Variants in SYN3 observed in about 807,000 individuals in gnomAD.
The protein encoded by SYN3 is synapsin-3.
A neutral mutation model predicts 65.8 loss-of-function variants in SYN3; 35 were observed. The ratio of observed to expected loss-of-function variants is 0.53; its 90% CI spans 0.41 to 0.70. The LOEUF (loss-of-function observed/expected upper bound fraction) is 0.70, where lower values mean the gene tolerates loss of function less well. Ranked by LOEUF, SYN3 falls within the 30% of genes least tolerant of loss-of-function variation. SYN3 has a pLI of 0.00. For missense variants in SYN3, 680 were observed against 749.0 expected, an observed-to-expected ratio of 0.91 and a Z score of 1.08; for synonymous variants, 270 against 292.9, an observed-to-expected ratio of 0.92 and a Z score of 0.80.
intron 6 of SYN3, among the ~76,000 whole-genome samples, chr22:32,830,483 TGC>T (rs2047540642): frequency 1.3e-5 from 2 of 152,198 alleles, no homozygotes; most frequent in Admixed American, 6.5e-5. Flanking sequence ...TTGCCCTGTG[TGC>T]CCCTCTTTCA....
At chr22:32,531,113 C>G (rs548154129) in intron 10 of SYN3, among the ~76,000 whole-genome samples, 61 of 145,350 alleles carry the variant, frequency 4.2e-4, no homozygotes, top group African/African-American at 1.6e-3. Context: ...TTTCCTCTTC[C>G]CTCTTTCCCC....
intron 6 of SYN3, among the ~76,000 whole-genome samples, chr22:32,810,763 G>C (rs528443216): frequency 6.6e-6 from 1 of 152,150 alleles, no homozygotes; most frequent in African/African-American, 2.4e-5. Context: ...TCGCAACCAG[G>C]GTCAGATTTC....
intron 6 of SYN3, among the ~76,000 whole-genome samples, chr22:32,692,867 A>G (rs2060684722): frequency 1.3e-5 from 2 of 152,232 alleles, no homozygotes; most frequent in African/African-American, 4.8e-5. Context: ...CATAAAGTGA[A>G]GAACAGAATC....
chr22:32,955,374 G>C (rs1039687496), intron 3 of SYN3, among the ~76,000 whole-genome samples: 1 of 152,062 alleles, frequency 6.6e-6, no homozygotes, highest in Non-Finnish European at 1.5e-5. Context: ...ATAGGGGGTG[G>C]GGGGCAAGCA....
chr22:32,696,908 T>C (rs895351789), intron 6 of SYN3, among the ~76,000 whole-genome samples: 3 of 152,184 alleles, frequency 2.0e-5, no homozygotes, highest in African/African-American at 2.4e-5. Flanking sequence ...GAAATTTCAT[T>C]CTAGCTTTGC....
chr22:32,924,890 G>A (rs933321718), intron 4 of SYN3, among the ~76,000 whole-genome samples: 5 of 152,092 alleles, frequency 3.3e-5, no homozygotes, highest in Admixed American at 6.5e-5. Flanking sequence ...TCAGGAGTTC[G>A]ATACCAGCTT....
chr22:32,586,447 T>C (rs35118742), intron 7 of SYN3, among the ~76,000 whole-genome samples: 1,817 of 152,298 alleles, frequency 0.012, 16 homozygotes, highest in Non-Finnish European at 0.017. Flanking sequence ...CATGCCTAAA[T>C]GAAACTTATC....
intron 6 of SYN3, among the ~76,000 whole-genome samples, chr22:32,749,076 A>G (rs2045029848): frequency 6.6e-6 from 1 of 152,152 alleles, no homozygotes; most frequent in African/African-American, 2.4e-5. Flanking sequence ...AGGCACTCAT[A>G]AACACAGTTT....
intron 2 of SYN3, among the ~76,000 whole-genome samples, chr22:32,990,198 C>G (rs531699078): frequency 5.9e-5 from 9 of 152,252 alleles, no homozygotes; most frequent in South Asian, 2.1e-4. Context: ...TGGAGCCTGT[C>G]AAGGTGAAAA....
intron 12 of SYN3, among the ~76,000 whole-genome samples, chr22:32,525,839 A>G (rs558116601): frequency 5.9e-5 from 9 of 152,356 alleles, no homozygotes; most frequent in South Asian, 4.1e-4. Context: ...AAGAAGTTCT[A>G]CTATGGGTAA....
At chr22:32,545,228 G>T (rs1469985320) in intron 7 of SYN3, among the ~76,000 whole-genome samples, 1 of 152,214 alleles carries the variant, frequency 6.6e-6, no homozygotes, top group Non-Finnish European at 1.5e-5. Flanking sequence ...ATGAAACCAT[G>T]GTAGTTCCAG....
intron 6 of SYN3, among the ~76,000 whole-genome samples, chr22:32,836,690 CTGAG>C (rs1213267374): frequency 6.6e-6 from 1 of 152,086 alleles, no homozygotes; most frequent in African/African-American, 2.4e-5. Context: ...AAGGGAGGTG[CTGAG>C]TGAGTAGGGG....
rs1159177009 is a variant in SYN3 at position 32,518,196 on chromosome 22, TGCGGAGA to T, written c.1450_1456del (p.Pro485TyrfsTer56). 23 of 1,613,816 alleles carry T rather than the reference TGCGGAGA, an allele frequency of 1.4e-5. No homozygotes were observed. Among genetic ancestry groups the T allele is most frequent in the Non-Finnish European group, 1.9e-5 (23 of 1,179,998 alleles). Reference sequence around the variant, plus strand: ...GCTGCCACTGGATGCCCGGGATAGCTGCGGAGAGCCTGGTGACCTTTGCTGCTGTGGA... The same window carrying T: ...GCTGCCACTGGATGCCCGGGATAGCTGCCTGGTGACCTTTGCTGCTGTGGA... On this transcript the variant is annotated frameshift_variant, in exon 13 of 14. Coordinates refer to ENST00000358763, the MANE Select transcript of SYN3 (RefSeq NM_003490.4). LOFTEE classifies it high-confidence loss of function.
At chr22:33,045,135 G>A (rs574240845) in intron 1 of SYN3, among the ~76,000 whole-genome samples, 37 of 151,964 alleles carry the variant, frequency 2.4e-4, no homozygotes, top group Non-Finnish European at 5.3e-4. Flanking sequence ...GAGCCACCGC[G>A]CCCAGCCCCA....
chr22:32,525,487 C>G (rs926760929), intron 12 of SYN3, among the ~76,000 whole-genome samples: 3 of 152,024 alleles, frequency 2.0e-5, no homozygotes, highest in African/African-American at 7.2e-5. Flanking sequence ...GCGGGCGGAT[C>G]ACGAGGTCGG....
At chr22:32,601,298 G>T (rs2059278913) in intron 6 of SYN3, among the ~76,000 whole-genome samples, 2 of 149,164 alleles carry the variant, frequency 1.3e-5, no homozygotes, top group African/African-American at 5.0e-5. Context: ...TTTTTTCTGA[G>T]ATGGAGTCTT....
At chr22:32,563,384 A>G (rs556705967) in intron 7 of SYN3, among the ~76,000 whole-genome samples, 1 of 152,376 alleles carries the variant, frequency 6.6e-6, no homozygotes, top group East Asian at 1.9e-4. Context: ...GATGCAAAGC[A>G]GGGAGGGTCA....
In SYN3 at chr22:32,584,762, T is replaced by G. The variant is rs545961991; in HGVS notation, c.774+11912A>C. The stretch of plus-strand genomic sequence containing the variant: ...GTGGTATTCTTTCTTTCTTTTTGTT[T>G]AAATCATTCTTTTGAAATGAATGTT... On this transcript the variant is annotated intron_variant, in intron 7 of 13. Transcript: ENST00000358763. 3.0e-4 allele frequency among the ~76,000 whole-genome samples: 46 copies of G among 152,318 alleles called. 1 individual carries two copies. The highest frequency in any genetic ancestry group is 1.1e-3 in the African/African-American group (45 of 41,562).
intron 2 of SYN3, among the ~76,000 whole-genome samples, chr22:32,990,301 A>AATCCATCC (rs113493698): frequency 2.9e-3 from 411 of 139,530 alleles, no homozygotes; most frequent in East Asian, 0.028. Flanking sequence ...TCCATCCATG[A>AATCCATCC]ATCCATCCAT....
Sources: gnomAD v4.1 joint callset for allele counts (sites outside exome capture counted in the v4.1 genomes callset) on GRCh38, gnomAD v4.1.1 for gene constraint, MANE v1.5 for transcripts, NCBI Gene and HGNC (gene_info 2026-07-23, HGNC 2026-07-21) for gene names.